Variants in OXR1 observed in about 807,000 individuals in gnomAD.
OXR1 encodes the protein oxidation resistance 1.
In OXR1, 41 loss-of-function variants were observed where a neutral mutation model predicts 104.6. That is an observed-to-expected ratio of 0.39 (90% confidence interval 0.31 to 0.51). OXR1 has a LOEUF of 0.51. Ranked by LOEUF, OXR1 falls within the 20% of genes least tolerant of loss-of-function variation. The pLI, the probability that OXR1 is intolerant of heterozygous loss-of-function variation, is 0.77. For missense variants in OXR1, 955 were observed against 1,031.9 expected, an observed-to-expected ratio of 0.93 and a Z score of 1.02; for synonymous variants, 348 against 348.4, an observed-to-expected ratio of 1.00 and a Z score of 0.01.
chr8:106,749,979 G>A (rs1226677220), intron 16 of OXR1, among the ~76,000 whole-genome samples: 1 of 151,796 alleles, frequency 6.6e-6, no homozygotes, highest in African/African-American at 2.4e-5. Flanking sequence ...TCCATTTAAA[G>A]TCCTTTCAAA....
At chr8:106,538,707 G>T (rs1268421540) in intron 3 of OXR1, among the ~76,000 whole-genome samples, 1 of 152,060 alleles carries the variant, frequency 6.6e-6, no homozygotes, top group Non-Finnish European at 1.5e-5. Context: ...TCTTTGTTTT[G>T]GTTTCATGCC....
chr8:106,482,661 G>A (rs1461011738), intron 2 of OXR1, among the ~76,000 whole-genome samples: 2 of 152,156 alleles, frequency 1.3e-5, no homozygotes, highest in East Asian at 1.9e-4. Context: ...AATATCAGTA[G>A]TATAGTTTGA....
intron 11 of OXR1, among the ~76,000 whole-genome samples, chr8:106,735,386 T>C (rs1834275947): frequency 6.6e-6 from 1 of 152,158 alleles, no homozygotes. Flanking sequence ...CAAGTGTTAT[T>C]AAGATAAGCT....
At chr8:106,472,412 CAT>C (rs1385276509) in intron 2 of OXR1, among the ~76,000 whole-genome samples, 3 of 151,726 alleles carry the variant, frequency 2.0e-5, no homozygotes, top group Non-Finnish European at 4.4e-5. Context: ...GAAGTAAAAA[CAT>C]ACTGTTACGT....
At chr8:106,636,355 A>AATTCCACAAGCT (rs927349572) in intron 3 of OXR1, among the ~76,000 whole-genome samples, 4 of 152,126 alleles carry the variant, frequency 2.6e-5, no homozygotes, top group African/African-American at 9.7e-5. Flanking sequence ...GGCAAACAGG[A>AATTCCACAAGCT]ATTCCACAAG....
At chr8:106,496,690 G>A (rs993994962) in intron 2 of OXR1, among the ~76,000 whole-genome samples, 7 of 152,180 alleles carry the variant, frequency 4.6e-5, no homozygotes, top group African/African-American at 1.4e-4. Flanking sequence ...GGAAGGGCCT[G>A]GAAGCCAGGG....
At chr8:106,592,353 C>T (rs758162373) in intron 3 of OXR1, among the ~76,000 whole-genome samples, 2 of 152,100 alleles carry the variant, frequency 1.3e-5, no homozygotes, top group African/African-American at 2.4e-5. Context: ...TTCTGGAGTA[C>T]TAGGAGAACA....
intron 2 of OXR1, among the ~76,000 whole-genome samples, chr8:106,506,964 C>T (rs1812206045): frequency 6.6e-6 from 1 of 152,074 alleles, no homozygotes; most frequent in South Asian, 2.1e-4. Flanking sequence ...TGGTGTGCCC[C>T]TGTAGTCCCA....
chr8:106,274,143 A>G (rs1811930723), intron 1 of OXR1, among the ~76,000 whole-genome samples: 1 of 152,250 alleles, frequency 6.6e-6, no homozygotes, highest in Non-Finnish European at 1.5e-5. Flanking sequence ...AGAATGTCGT[A>G]TAATTTTCTC....
At chr8:106,665,904 G>A (rs942733132) in intron 3 of OXR1, among the ~76,000 whole-genome samples, 2 of 151,990 alleles carry the variant, frequency 1.3e-5, no homozygotes, top group African/African-American at 4.8e-5. Flanking sequence ...TAAACCTGTT[G>A]CTTAGGCAGC....
chr8:106,396,074 AATACATACATAC>A (rs77731302), intron 2 of OXR1, among the ~76,000 whole-genome samples: 134 of 151,802 alleles, frequency 8.8e-4, no homozygotes, highest in Non-Finnish European at 1.5e-3. Context: ...TACTTATATA[AATACATACATAC>A]ATACATACAT....
At chr8:106,657,855 C>T in intron 3 of OXR1, 3 of 1,240,792 alleles carry the variant, frequency 2.4e-6, no homozygotes, top group Non-Finnish European at 3.0e-6. Context: ...CTCCTCCCCG[C>T]CTCTTGTGAG....
At chr8:106,700,004 G>A (rs1830444327) in intron 7 of OXR1, among the ~76,000 whole-genome samples, 1 of 152,076 alleles carries the variant, frequency 6.6e-6, no homozygotes, top group Admixed American at 6.5e-5. Context: ...CAGAAATATT[G>A]TAATGTAAGT....
Position 106,692,851 on chromosome 8 carries a change from A to G in OXR1, c.649A>G (p.Asn217Asp). 6.2e-7 allele frequency: 1 copy of G among 1,604,862 alleles called. No homozygotes were observed. The highest frequency in any genetic ancestry group is 8.5e-7 in the Non-Finnish European group (1 of 1,174,056). ...ATTTACTGAGAAATTTCTTAAAATTAATTGCAAATATATTACCAGTGGCAA... is the reference window on the plus strand; with the variant it reads ...ATTTACTGAGAAATTTCTTAAAATTGATTGCAAATATATTACCAGTGGCAA... The part of the protein sequence containing the change: ...EAFTEKFLKI[N>D]CKYITSGKGT... Residue 217 changes from asparagine (N) to aspartate (D), a missense_variant, in exon 7 of 17, where the codon AAT becomes GAT. Asn to Asp is a conservative substitution (Grantham distance 23). Coordinates refer to ENST00000517566, the MANE Select transcript of OXR1 (RefSeq NM_001198533.2).
chr8:106,515,684 T>A (rs1812813000), intron 2 of OXR1, among the ~76,000 whole-genome samples: 1 of 152,156 alleles, frequency 6.6e-6, no homozygotes, highest in African/African-American at 2.4e-5. Context: ...TTATTATTAA[T>A]CTTAATGCCT....
At chr8:106,654,150 C>T (rs992273564) in intron 3 of OXR1, among the ~76,000 whole-genome samples, 6 of 152,020 alleles carry the variant, frequency 3.9e-5, no homozygotes, top group African/African-American at 1.4e-4. Flanking sequence ...TTAATGCAAT[C>T]CCTATCAAAA....
intron 10 of OXR1, among the ~76,000 whole-genome samples, chr8:106,713,517 A>C (rs578140739): frequency 6.6e-6 from 1 of 152,022 alleles, no homozygotes. Context: ...TGTGTATCTA[A>C]TTTCCTTTTC....
chr8:106,584,831 A>G (rs559663692), intron 3 of OXR1, among the ~76,000 whole-genome samples: 83 of 152,280 alleles, frequency 5.5e-4, no homozygotes, highest in Non-Finnish European at 1.0e-3. Context: ...ATTCTAAGAC[A>G]GCTATACCAC....
In OXR1 at chr8:106,740,432, T is replaced by G. The variant is rs762784611; in HGVS notation, c.2253T>G (p.Leu751=). The G allele has an allele frequency of 1.9e-6, 3 of 1,613,388 alleles. No homozygotes were observed. In the South Asian group the frequency reaches 3.3e-5, roughly 18 times the overall value. ...AACATGGCACAAGCTTGAAAACTCTTTATCGAACAATGACAGGTTTAGACA... is the reference window on the plus strand; with the variant it reads ...AACATGGCACAAGCTTGAAAACTCTGTATCGAACAATGACAGGTTTAGACA... ...TGKHGTSLKT[L]YRTMTGLDTP... The change falls in exon 14 of 17, where the codon CTT becomes CTG. Residue 751 remains leucine (L), a synonymous_variant. Transcript: ENST00000517566.
Sources: allele counts gnomAD v4.1 joint callset (sites outside exome capture counted in the v4.1 genomes callset), GRCh38; gene constraint gnomAD v4.1.1; transcripts MANE v1.5; gene names NCBI Gene and HGNC (gene_info 2026-07-23, HGNC 2026-07-21).